Variants in GPC3 observed in about 807,000 individuals in gnomAD.
GPC3 encodes the protein glypican-3.
Under a neutral mutation model 34.4 loss-of-function variants are expected in GPC3, and 3 were observed. That is an observed-to-expected ratio of 0.09 (90% confidence interval 0.04 to 0.23). GPC3 has a LOEUF of 0.23. Among genes scored for constraint, GPC3 ranks in the 10% least tolerant of loss-of-function variants. The probability of loss-of-function intolerance (pLI) is 1.00; values close to 1 mark genes in which losing one functional copy is unlikely to be tolerated. For missense variants in GPC3, 351 were observed against 445.6 expected, an observed-to-expected ratio of 0.79 and a Z score of 1.91; for synonymous variants, 177 against 174.0, an observed-to-expected ratio of 1.02 and a Z score of -0.13.
At chrX:133,654,072 G>T (rs1480749027) in intron 6 of GPC3, among the ~76,000 whole-genome samples, 1 of 111,399 alleles carries the variant, frequency 9.0e-6, no homozygotes, top group African/African-American at 3.3e-5. Context: ...GGTTAATATT[G>T]AATGCGAAAA....
chrX:133,661,827 T>C lies in GPC3; in HGVS notation c.1316A>G (p.Asn439Ser), dbSNP rs2124401875. ...GAGATTGAACTGGTTTTTCATTCCA[T>C]TCCTTGCTGCCTTTTGGCTGTATCT... The part of the protein sequence containing the change: ...VERYSQKAAR[N>S]GMKNQFNLHE... The change falls in exon 6 of 8, where the codon AAT (asparagine) becomes AGT (serine). Residue 439 changes from asparagine (N) to serine (S), a missense_variant. Physicochemically the swap from Asn to Ser is conservative, Grantham distance 46. Transcript: ENST00000370818. 1 of 1,196,396 alleles carries C rather than the reference T, an allele frequency of 8.4e-7. No individual in the cohort carries two copies. The highest frequency in any genetic ancestry group is 1.1e-6 in the Non-Finnish European group (1 of 882,848).
At chrX:133,825,515 T>G (rs2075742108) in intron 2 of GPC3, among the ~76,000 whole-genome samples, 1 of 111,909 alleles carries the variant, frequency 8.9e-6, no homozygotes, top group African/African-American at 3.3e-5. Context: ...AAGCATTTTC[T>G]TGGGGAGGAG....
At chrX:133,841,887 C>T (rs1292607496) in intron 2 of GPC3, among the ~76,000 whole-genome samples, 5 of 112,388 alleles carry the variant, frequency 4.4e-5, no homozygotes, top group Non-Finnish European at 9.4e-5. Flanking sequence ...CTACATCTTT[C>T]TCCCCTGCTG....
intron 2 of GPC3, among the ~76,000 whole-genome samples, chrX:133,881,513 C>T (rs1249046473): frequency 8.9e-6 from 1 of 112,306 alleles, no homozygotes; most frequent in Admixed American, 9.4e-5. Flanking sequence ...ACGCATTTAT[C>T]AACCAAATCA....
chrX:133,536,209 T>A lies in GPC3; in HGVS notation c.1658A>T (p.His553Leu). ...TPKDNEISTF[H>L]NLGNVHSPLK... The stretch of plus-strand genomic sequence containing the variant: ...CGGGGAATGAACGTTCCCGAGGTTG[T>A]GAAAGGTGCTTATCTCGTTGTCCTT... Residue 553 changes from histidine to leucine, a missense_variant, in exon 8 of 8, where the codon CAC becomes CTC. His to Leu is a moderately conservative substitution (Grantham distance 99). Transcript: ENST00000370818. The A allele has an allele frequency of 8.3e-7, 1 of 1,201,941 alleles. No individual in the cohort carries two copies. Among genetic ancestry groups the A allele is most frequent in the Non-Finnish European group, 1.1e-6 (1 of 887,740 alleles).
chrX:133,806,773 C>T (rs1358806189), intron 2 of GPC3, among the ~76,000 whole-genome samples: 2 of 110,009 alleles, frequency 1.8e-5, no homozygotes, highest in South Asian at 4.0e-4. Context: ...CTCAGCCTCC[C>T]GAGTAGCTGG....
chrX:133,770,216 G>C (rs2071901420), intron 2 of GPC3, among the ~76,000 whole-genome samples: 1 of 111,197 alleles, frequency 9.0e-6, no homozygotes, highest in African/African-American at 3.3e-5. Context: ...GGTCGAGGCT[G>C]CAGTGAGCCA....
intron 2 of GPC3, among the ~76,000 whole-genome samples, chrX:133,862,076 A>ATT (rs35546133): frequency 0.018 from 1,830 of 102,318 alleles, 48 homozygotes; most frequent in African/African-American, 0.06. Context: ...GAAAAAGGGG[A>ATT]TTTTTTTTTT....
At chrX:133,586,906 G>C (rs1314813162) in intron 7 of GPC3, among the ~76,000 whole-genome samples, 1 of 111,467 alleles carries the variant, frequency 9.0e-6, no homozygotes, top group Non-Finnish European at 1.9e-5. Context: ...ATACTGATCA[G>C]ATCAGGGTCA....
chrX:133,695,038 T>C (rs1275004248), intron 4 of GPC3, among the ~76,000 whole-genome samples: 3 of 111,446 alleles, frequency 2.7e-5, no homozygotes, highest in Non-Finnish European at 5.7e-5. Context: ...ACTGGGTAAT[T>C]TATAAAGAAA....
chrX:133,755,480 A>G (rs2071718785), intron 2 of GPC3, among the ~76,000 whole-genome samples: 1 of 112,159 alleles, frequency 8.9e-6, no homozygotes. Context: ...TGACATGCCC[A>G]GCAATGTTGA....
At chrX:133,638,340 C>T (rs765935091) in intron 6 of GPC3, among the ~76,000 whole-genome samples, 1 of 111,907 alleles carries the variant, frequency 8.9e-6, no homozygotes, top group African/African-American at 3.2e-5. Context: ...CCTCGCCTGC[C>T]AGTCTTTTCT....
chrX:133,554,437 GTA>G (rs1212156212), intron 7 of GPC3, among the ~76,000 whole-genome samples: 1 of 110,185 alleles, frequency 9.1e-6, no homozygotes, highest in African/African-American at 3.3e-5. Flanking sequence ...CAAAGAATTA[GTA>G]TGTCAGTATG....
At chrX:133,654,421 A>G (rs2070631934) in intron 6 of GPC3, among the ~76,000 whole-genome samples, 2 of 111,160 alleles carry the variant, frequency 1.8e-5, no homozygotes. Context: ...CTGTTTATTA[A>G]AAAATATCAG....
chrX:133,724,735 A>T (rs1189337292), intron 3 of GPC3, among the ~76,000 whole-genome samples: 1 of 111,763 alleles, frequency 8.9e-6, no homozygotes, highest in East Asian at 2.8e-4. Flanking sequence ...TTGATCTAAG[A>T]GCAGGACTAG....
At chrX:133,692,633 T>C in intron 4 of GPC3, 139 bp from the exon 5 acceptor site, 1 of 533,138 alleles carries the variant, frequency 1.9e-6, no homozygotes, top group Non-Finnish European at 3.1e-6. Flanking sequence ...CATTCTTGGC[T>C]ACAAGGCCAC....
intron 6 of GPC3, among the ~76,000 whole-genome samples, chrX:133,629,748 G>A: frequency 1.8e-5 from 2 of 109,555 alleles, no homozygotes; most frequent in Middle Eastern, 9.3e-3. Flanking sequence ...AATTATTTTG[G>A]AATGAACCTT....
rs917904828 is a variant in GPC3 at position 133,657,271 on chromosome X, A to C, written c.1413+4459T>G. Among the ~76,000 whole-genome samples, 93 of 111,975 alleles carry C rather than the reference A, an allele frequency of 8.3e-4. 1 individual carries two copies. The highest frequency in any genetic ancestry group is 2.9e-3 in the African/African-American group (90 of 30,846). ...TAGCACTAACTACATAACTACTCTT[A>C]AAGAGAGAGAAAAAGTTAACAACAA... On this transcript the variant is annotated intron_variant, in intron 6 of 7. Coordinates refer to ENST00000370818, the MANE Select transcript of GPC3 (RefSeq NM_004484.4).
intron 2 of GPC3, among the ~76,000 whole-genome samples, chrX:133,818,830 A>C (rs1198007640): frequency 9.1e-6 from 1 of 110,185 alleles, no homozygotes; most frequent in Admixed American, 9.7e-5. Flanking sequence ...AAGTGGGTGC[A>C]GGTCAAAGCA....
Sources: allele counts gnomAD v4.1 joint callset (sites outside exome capture counted in the v4.1 genomes callset), GRCh38; gene constraint gnomAD v4.1.1; transcripts MANE v1.5; gene names NCBI Gene and HGNC (gene_info 2026-07-23, HGNC 2026-07-21).